Variants in TCERG1L observed in about 807,000 individuals in gnomAD.
TCERG1L encodes the protein transcription elongation regulator 1 like, also known as transcription elongation regulator 1-like protein.
In TCERG1L, 37 loss-of-function variants were observed where a neutral mutation model predicts 56.3. The observed-to-expected ratio is 0.66, with a 90% CI of 0.51 to 0.87. The LOEUF (loss-of-function observed/expected upper bound fraction) is 0.87. TCERG1L is among the 40% of genes least tolerant of loss of function. The pLI, the probability that TCERG1L is intolerant of heterozygous loss-of-function variation, is 0.00. For synonymous variants in TCERG1L, 324 were observed against 326.3 expected (o/e 0.99, Z 0.08); for missense variants, 799 against 774.2 (o/e 1.03, Z -0.38).
At chr10:131,177,511 T>C (rs1845115883) in intron 4 of TCERG1L, among the ~76,000 whole-genome samples, 1 of 152,278 alleles carries the variant, frequency 6.6e-6, no homozygotes, top group South Asian at 2.1e-4. Flanking sequence ...GAACTGTGTG[T>C]GCCCTGCACT....
Position 131,311,377 on chromosome 10 carries a change from C to A in TCERG1L, c.259G>T (p.Val87Leu). ...GAGGGCAGCGGCAGCAGCGGGAGCACCGGCTCGCTCGGGGCCGGCCAGCCG... is the reference window on the plus strand; with the variant it reads ...GAGGGCAGCGGCAGCAGCGGGAGCAACGGCTCGCTCGGGGCCGGCCAGCCG... ...LPGWPAPSEPVLPLLPLPSAP... is the reference protein window; with the variant it reads ...LPGWPAPSEPLLPLLPLPSAP... Residue 87 changes from valine (V) to leucine (L), a missense_variant, in exon 1 of 12, where the codon GTG becomes TTG. Val to Leu is a conservative substitution (Grantham distance 32, BLOSUM62 1). Coordinates refer to ENST00000368642, the MANE Select transcript of TCERG1L (RefSeq NM_174937.4). This position sits in a 1 kb window ranked among gnomAD's most constrained non-coding sequence, Gnocchi z 4.0. The A allele has an allele frequency of 8.4e-7, 1 of 1,193,876 alleles. No individual in the cohort carries two copies. The highest frequency in any genetic ancestry group is 1.0e-6 in the Non-Finnish European group (1 of 965,174). 74.0% of individuals were successfully genotyped at this position (1,193,876 alleles called of 1,614,324 possible). A position where few individuals can be genotyped will look rare whatever the true frequency, so the allele number is the denominator to read the frequency against.
chr10:131,291,571 C>T (rs1322441606), intron 3 of TCERG1L, among the ~76,000 whole-genome samples: 8 of 150,618 alleles, frequency 5.3e-5, no homozygotes, highest in South Asian at 2.1e-4. Context: ...GGACTACAGG[C>T]GCCCGCCAAC....
intron 8 of TCERG1L, among the ~76,000 whole-genome samples, chr10:131,120,070 C>T (rs1205836226): frequency 2.0e-5 from 3 of 152,174 alleles, no homozygotes; most frequent in Admixed American, 6.5e-5. Context: ...GGTGACCATC[C>T]TACCCCTAAG....
intron 6 of TCERG1L, among the ~76,000 whole-genome samples, chr10:131,154,496 A>G (rs540311971): frequency 1.3e-5 from 2 of 152,308 alleles, no homozygotes; most frequent in African/African-American, 4.8e-5. Flanking sequence ...CCGGGCCACC[A>G]GGGCTGAGCT....
intron 8 of TCERG1L, among the ~76,000 whole-genome samples, chr10:131,124,457 A>G (rs956091963): frequency 4.6e-5 from 7 of 152,234 alleles, no homozygotes; most frequent in Non-Finnish European, 8.8e-5. Context: ...AATTATTGCC[A>G]CATTTCTGTG....
chr10:131,163,727 C>T (rs1011718703), intron 5 of TCERG1L, among the ~76,000 whole-genome samples: 1 of 152,184 alleles, frequency 6.6e-6, no homozygotes, highest in East Asian at 1.9e-4. Context: ...CCCAGGCTCC[C>T]GCCCTTCCCA....
At chr10:131,243,608 G>A (rs1845996903) in intron 4 of TCERG1L, among the ~76,000 whole-genome samples, 1 of 152,102 alleles carries the variant, frequency 6.6e-6, no homozygotes, top group South Asian at 2.1e-4. Flanking sequence ...TGCACACTGC[G>A]GCTGTCCTCT....
chr10:131,099,668 G>A lies in TCERG1L; in HGVS notation c.1486-1244C>T, dbSNP rs531984291. Among the ~76,000 whole-genome samples, 111 of 152,244 alleles carry A rather than the reference G, an allele frequency of 7.3e-4. 2 individuals are homozygous for A. The South Asian group carries it at 0.018, about 24-fold the overall frequency. ...CCCAGCACTGCTCAGCCCCTTCTCC[G>A]GAGTGGCTTTCTTCCCACTTTGTCT... On this transcript the variant is annotated intron_variant, in intron 10 of 11. Coordinates refer to ENST00000368642, the MANE Select transcript of TCERG1L (RefSeq NM_174937.4).
At chr10:131,236,354 T>C (rs1340972246) in intron 4 of TCERG1L, among the ~76,000 whole-genome samples, 4 of 152,176 alleles carry the variant, frequency 2.6e-5, no homozygotes, top group South Asian at 2.1e-4. Flanking sequence ...CATTTGTTCA[T>C]CAGCCATGGA....
chr10:131,093,101 A>G lies in TCERG1L; in HGVS notation c.*61T>C, dbSNP rs1457651538. On this transcript the variant is annotated 3_prime_UTR_variant, in exon 12 of 12. Coordinates refer to ENST00000368642, the MANE Select transcript of TCERG1L (RefSeq NM_174937.4). Reference sequence around the variant, plus strand: ...CACGCCCGTGTCCGTCTCCACCGTGACCCCCTCGCCCCCGGCACGCCCAGG... The same window carrying G: ...CACGCCCGTGTCCGTCTCCACCGTGGCCCCCTCGCCCCCGGCACGCCCAGG... 6.4e-7 allele frequency: 1 copy of G among 1,570,334 alleles called. No individual in the cohort carries two copies. Among genetic ancestry groups the G allele is most frequent in the African/African-American group, 1.4e-5 (1 of 73,000 alleles).
intron 3 of TCERG1L, among the ~76,000 whole-genome samples, chr10:131,276,427 C>T (rs1002851040): frequency 6.6e-5 from 10 of 152,228 alleles, no homozygotes; most frequent in African/African-American, 2.4e-4. Context: ...ATGCATTAAG[C>T]AAAACTCCGC....
chr10:131,195,595 G>A (rs763367549), intron 4 of TCERG1L, among the ~76,000 whole-genome samples: 19 of 152,126 alleles, frequency 1.2e-4, no homozygotes, highest in Non-Finnish European at 2.6e-4. Context: ...CAGGATGGGA[G>A]GCCTCTTTCT....
At chr10:131,307,524 T>G (rs944472432) in intron 3 of TCERG1L, among the ~76,000 whole-genome samples, 2 of 152,172 alleles carry the variant, frequency 1.3e-5, no homozygotes, top group Non-Finnish European at 2.9e-5. Context: ...GCACGACAAT[T>G]TTGGCACGGG....
chr10:131,253,303 T>C (rs1564826415), intron 4 of TCERG1L, among the ~76,000 whole-genome samples: 1 of 152,162 alleles, frequency 6.6e-6, no homozygotes, highest in African/African-American at 2.4e-5. Context: ...CGGAAAAGGA[T>C]TGCTGAGTCC....
intron 11 of TCERG1L, among the ~76,000 whole-genome samples, chr10:131,096,423 TGAA>T (rs756002976): frequency 2.5e-4 from 36 of 144,586 alleles, no homozygotes; most frequent in South Asian, 4.6e-4. Context: ...GCACTTGTGA[TGAA>T]GATAATTCAT....
At position 131,116,862 on chromosome 10, in the gene TCERG1L, CGGGGGCGGCGT is replaced by C. The variant is rs1564794896; in HGVS notation, c.1321_1331del (p.Thr441AlafsTer38). On this transcript the variant is annotated frameshift_variant, in exon 9 of 12. Coordinates refer to ENST00000368642, the MANE Select transcript of TCERG1L (RefSeq NM_174937.4). LOFTEE classifies it high-confidence loss of function. ...GCTCCTCCAGAGGCAGGAGGATCTG[CGGGGGCGGCGT>C]CCTTGTGCCTTTGTCCTCTCTCTTT... The C allele has an allele frequency of 3.1e-6, 5 of 1,588,576 alleles. No homozygotes were observed. In the South Asian group the frequency reaches 5.7e-5, roughly 18 times the overall value.
intron 11 of TCERG1L, among the ~76,000 whole-genome samples, chr10:131,096,007 T>C (rs889561088): frequency 2.0e-5 from 3 of 152,252 alleles, no homozygotes; most frequent in African/African-American, 7.2e-5. Context: ...TCTTTAACAG[T>C]AATGATGGTC....
At position 131,190,453 on chromosome 10, in the gene TCERG1L, G is replaced by A. The variant is rs138306401; in HGVS notation, c.857-23568C>T. On this transcript the variant is annotated intron_variant, in intron 4 of 11. Transcript: ENST00000368642. ...TAGTATCACCCTTTTACCAAAAAAG[G>A]AAAGGATATAACAAAAAAGAAAACT... 9.6e-5 allele frequency among the ~76,000 whole-genome samples: 10 copies of A among 103,682 alleles called. 1 individual carries two copies. The East Asian group carries it at 2.0e-3, about 20-fold the overall frequency. 68.0% of individuals were successfully genotyped at this position (103,682 alleles called of 152,430 possible).
At chr10:131,246,220 A>C (rs1846035233) in intron 4 of TCERG1L, among the ~76,000 whole-genome samples, 1 of 152,150 alleles carries the variant, frequency 6.6e-6, no homozygotes, top group Admixed American at 6.5e-5. Flanking sequence ...GGGTGGCTGC[A>C]CTCAGTGAGG....
Sources: allele counts gnomAD v4.1 joint callset (sites outside exome capture counted in the v4.1 genomes callset), GRCh38; gene constraint gnomAD v4.1.1; non-coding constraint Gnocchi (gnomAD v3.1); transcripts MANE v1.5; gene names NCBI Gene and HGNC (gene_info 2026-07-23, HGNC 2026-07-21).